Variants in PTCD1 observed in about 807,000 individuals in gnomAD.
PTCD1 encodes pentatricopeptide repeat domain 1.
A neutral mutation model predicts 53.4 loss-of-function variants in PTCD1; 50 were observed. The observed-to-expected ratio is 0.94, with a 90% CI of 0.75 to 1.19. The LOEUF is 1.19. Ranked by LOEUF, PTCD1 falls within the 50% of genes most tolerant of loss-of-function variation. PTCD1 has a pLI of 0.00. For synonymous variants in PTCD1, 413 were observed against 394.8 expected (o/e 1.05, Z -0.55); for missense variants, 918 against 904.8 (o/e 1.01, Z -0.19).
rs1320397673 is a variant in PTCD1 at position 99,433,408 on chromosome 7, G to C, written c.464C>G (p.Ala155Gly). The C allele has an allele frequency of 6.2e-7, 1 of 1,614,052 alleles. No homozygotes were observed. The highest frequency in any genetic ancestry group is 1.3e-5 in the African/African-American group (1 of 74,930). ...CATCTGCCTCTCAAACAGGTCCAGG[G>C]CTTCAACCAGCTGCAGGGAAGAGGC... is the stretch of plus-strand genomic sequence containing the variant. ...HLIKEGKLVEALDLFERQMLK... is the reference protein window; with the variant it reads ...HLIKEGKLVEGLDLFERQMLK... The change falls in exon 3 of 8, where the codon GCC (alanine) becomes GGC (glycine). Residue 155 changes from alanine to glycine, a missense_variant. Ala to Gly is a moderately conservative substitution (Grantham distance 60). Transcript: ENST00000292478.
intron 2 of PTCD1, among the ~76,000 whole-genome samples, chr7:99,434,391 G>C (rs541378439): frequency 4.7e-4 from 71 of 152,260 alleles, no homozygotes; most frequent in Non-Finnish European, 2.2e-4. Flanking sequence ...GGAGGCTGCA[G>C]TGAGCCAAGA....
In PTCD1 at chr7:99,425,096, G is replaced by A; in HGVS notation, c.1436C>T (p.Ala479Val). Residue 479 changes from alanine (A) to valine (V), a missense_variant, in exon 6 of 8, where the codon GCA becomes GTA. Transcript: ENST00000292478. ...GATGTCGGGCTGCTGCCTGTGCTCTGCCATCTTGCTCAGGAAGCCCTCCAG... is the reference window on the plus strand; with the variant it reads ...GATGTCGGGCTGCTGCCTGTGCTCTACCATCTTGCTCAGGAAGCCCTCCAG... ...GGLEGFLSKM[A>V]EHRQQPDIRT... is the part of the protein sequence containing the mutation. 2 of 1,614,048 alleles carry A rather than the reference G, an allele frequency of 1.2e-6. No individual in the cohort carries two copies. Among genetic ancestry groups the A allele is most frequent in the Non-Finnish European group, 1.7e-6 (2 of 1,180,030 alleles).
At chr7:99,425,868 A>G (rs1429592567) in intron 5 of PTCD1, among the ~76,000 whole-genome samples, 1 of 152,186 alleles carries the variant, frequency 6.6e-6, no homozygotes, top group African/African-American at 2.4e-5. Flanking sequence ...GGAGTTCGAG[A>G]CCAGCCCGAC....
Position 99,438,703 on chromosome 7 carries a change from G to A in PTCD1, c.-38C>T, listed in dbSNP as rs572475982. On this transcript the variant is annotated 5_prime_UTR_variant, in exon 1 of 8. Coordinates refer to ENST00000292478, the MANE Select transcript of PTCD1 (RefSeq NM_015545.4). ...ACACAGGAACTCACTTGAAGTGTCC[G>A]GCGCAGTGCACTCCGACGGGGAGCC... 3 of 1,287,390 alleles carry A rather than the reference G, an allele frequency of 2.3e-6. No individual in the cohort carries two copies. The highest frequency in any genetic ancestry group is 3.1e-5 in the African/African-American group (2 of 65,102). 79.7% of individuals were successfully genotyped at this position (1,287,390 alleles called of 1,614,324 possible).
Position 99,425,440 on chromosome 7 carries a change from C to G in PTCD1, c.1092G>C (p.Arg364Ser). Residue 364 changes from arginine (R) to serine (S), a missense_variant, in exon 6 of 8, where the codon AGG becomes AGC. Arg to Ser is a moderately radical substitution (Grantham distance 110). Coordinates refer to ENST00000292478, the MANE Select transcript of PTCD1 (RefSeq NM_015545.4). ...TGCCTGCCTTGGCCTGGGCTGTCCT[C>G]CTTGGCCGCTGCCTGCTCACTGGGG... ...LQPPVSRQRP[R>S]RTAQAKAGNL... The G allele has an allele frequency of 6.2e-7, 1 of 1,614,004 alleles. No homozygotes were observed. Among genetic ancestry groups the G allele is most frequent in the Non-Finnish European group, 8.5e-7 (1 of 1,180,018 alleles).
At position 99,417,820 on chromosome 7, in the gene PTCD1, G is replaced by T; in HGVS notation, c.*2147C>A. 6.7e-7 allele frequency: 1 copy of T among 1,494,142 alleles called. No homozygotes were observed. The highest frequency in any genetic ancestry group is 2.1e-5 in the Admixed American group (1 of 46,866). The allele number at this position is 1,494,142 out of a possible 1,614,324, so 92.6% of individuals were successfully genotyped here. A position where few individuals can be genotyped will look rare whatever the true frequency, so the allele number is the denominator to read the frequency against. On this transcript the variant is annotated 3_prime_UTR_variant, in exon 8 of 8. Transcript: ENST00000292478. ...GGGGTCAATCTCAACTCCACTTTTGGGCAAATTACTGAACCCCTTTCCTCA... is the reference window on the plus strand; with the variant it reads ...GGGGTCAATCTCAACTCCACTTTTGTGCAAATTACTGAACCCCTTTCCTCA...
chr7:99,420,559 G>C (rs1239598406), intron 7 of PTCD1, among the ~76,000 whole-genome samples: 1 of 152,174 alleles, frequency 6.6e-6, no homozygotes. Flanking sequence ...CATGAGATAT[G>C]GGGAAAAAAG....
In PTCD1 at chr7:99,429,785, G is replaced by A; in HGVS notation, c.616C>T (p.Pro206Ser). Residue 206 changes from proline to serine, a missense_variant, in exon 4 of 8, where the codon CCC becomes TCC. Physicochemically the swap from Pro to Ser is moderately conservative, Grantham distance 74. Coordinates refer to ENST00000292478, the MANE Select transcript of PTCD1 (RefSeq NM_015545.4). ...YNQMKKRDLE[P>S]SDATYTALFN... Reference sequence around the variant, plus strand: ...AGGGCCGTGTAGGTGGCGTCCGAGGGCTCCAGGTCCCGCTTTTTCATCTGT... The same window carrying A: ...AGGGCCGTGTAGGTGGCGTCCGAGGACTCCAGGTCCCGCTTTTTCATCTGT... The A allele has an allele frequency of 1.2e-6, 2 of 1,614,148 alleles. No homozygotes were observed. Among genetic ancestry groups the A allele is most frequent in the Non-Finnish European group, 8.5e-7 (1 of 1,180,038 alleles).
Position 99,430,223 on chromosome 7 carries a change from T to C in PTCD1, c.595-417A>G, listed in dbSNP as rs147977262. On this transcript the variant is annotated intron_variant, in intron 3 of 7. Transcript: ENST00000292478. ...GACACCATCACCTTGAAACCAGGCATGCCTGTGGCAAGTGGGAGGATGCAC... is the reference window on the plus strand; with the variant it reads ...GACACCATCACCTTGAAACCAGGCACGCCTGTGGCAAGTGGGAGGATGCAC... Among the ~76,000 whole-genome samples, 51 of 152,354 alleles carry C rather than the reference T, an allele frequency of 3.3e-4. No homozygotes were observed. The East Asian group carries it at 8.5e-3, about 25-fold the overall frequency.
chr7:99,435,401 G>C, intron 1 of PTCD1, 133 bp from the exon 2 acceptor site: 1 of 1,174,844 alleles, frequency 8.5e-7, no homozygotes, highest in Non-Finnish European at 1.2e-6. Context: ...CACTTTGGGA[G>C]GTCGAGGCTG....
intron 5 of PTCD1, among the ~76,000 whole-genome samples, chr7:99,426,463 A>T (rs1051265825): frequency 2.6e-5 from 4 of 152,288 alleles, no homozygotes; most frequent in Non-Finnish European, 4.4e-5. Context: ...AGGTGCCGGG[A>T]TTGCAGACGG....
At chr7:99,432,187 A>T (rs1312154593) in intron 3 of PTCD1, among the ~76,000 whole-genome samples, 1 of 152,174 alleles carries the variant, frequency 6.6e-6, no homozygotes, top group Non-Finnish European at 1.5e-5. Context: ...CGACGCCCAT[A>T]AAGGGTCTGT....
At chr7:99,438,029 G>C (rs1359084181) in intron 1 of PTCD1, among the ~76,000 whole-genome samples, 2 of 152,120 alleles carry the variant, frequency 1.3e-5, no homozygotes, top group African/African-American at 4.8e-5. Context: ...CACTGCTAAG[G>C]CTGCTCCAGC....
At position 99,420,696 on chromosome 7, in the gene PTCD1, T is replaced by C. The variant is rs545280297; in HGVS notation, c.1921-547A>G. Reference sequence around the variant, plus strand: ...GTTTGGCCGGGTGCGGTGGCTCACGTCTGTAATCCCAGCACTTTGAGAGGC... The same window carrying C: ...GTTTGGCCGGGTGCGGTGGCTCACGCCTGTAATCCCAGCACTTTGAGAGGC... On this transcript the variant is annotated intron_variant, in intron 7 of 7. Coordinates refer to ENST00000292478, the MANE Select transcript of PTCD1 (RefSeq NM_015545.4). Among the ~76,000 whole-genome samples, 958 of 152,220 alleles carry C rather than the reference T, an allele frequency of 6.3e-3. 2 individuals are homozygous for C. Among genetic ancestry groups the C allele is most frequent in the Non-Finnish European group, 9.0e-3 (614 of 68,006 alleles).
At position 99,419,859 on chromosome 7, in the gene PTCD1, T is replaced by C. The variant is rs1795720844; in HGVS notation, c.*108A>G. The C allele has an allele frequency of 1.3e-6, 2 of 1,575,806 alleles. No individual in the cohort carries two copies. Among genetic ancestry groups the C allele is most frequent in the Middle Eastern group, 2.3e-4 (1 of 4,374 alleles). On this transcript the variant is annotated 3_prime_UTR_variant, in exon 8 of 8. Coordinates refer to ENST00000292478, the MANE Select transcript of PTCD1 (RefSeq NM_015545.4). ...AACACCTGTGACACGCTGCGGCTGT[T>C]CCTCAGGGCCTGGCTCTTCCCCCAG...
intron 2 of PTCD1, among the ~76,000 whole-genome samples, chr7:99,434,210 C>A (rs1346000592): frequency 6.6e-6 from 1 of 151,704 alleles, no homozygotes; most frequent in Non-Finnish European, 1.5e-5. Context: ...TTTCGGGAGA[C>A]CAAGGCGGGC....
chr7:99,426,435 A>G (rs1209742028), intron 5 of PTCD1, among the ~76,000 whole-genome samples: 2 of 152,096 alleles, frequency 1.3e-5, no homozygotes. Context: ...CGAGTGATCC[A>G]CCAACCTCGG....
chr7:99,435,277 T>C lies in PTCD1; in HGVS notation c.-26-9A>G, dbSNP rs1311737982. ...TCCTGTCCCTCCAGGGCCTGGAATATATCAGGAAAAATAAGAGAGTCAACT... is the reference window on the plus strand; with the variant it reads ...TCCTGTCCCTCCAGGGCCTGGAATACATCAGGAAAAATAAGAGAGTCAACT... On this transcript the variant is annotated splice_polypyrimidine_tract_variant and intron_variant, in intron 1 of 7. Transcript: ENST00000292478. The C allele has an allele frequency of 6.3e-7, 1 of 1,599,812 alleles. No homozygotes were observed. The highest frequency in any genetic ancestry group is 1.1e-5 in the South Asian group (1 of 91,078).
At position 99,423,965 on chromosome 7, in the gene PTCD1, A is replaced by C; in HGVS notation, c.1738-8T>G. 6.2e-7 allele frequency: 1 copy of C among 1,613,898 alleles called. No individual in the cohort carries two copies. Among genetic ancestry groups the C allele is most frequent in the Non-Finnish European group, 8.5e-7 (1 of 1,179,874 alleles). On this transcript the variant is annotated splice_region_variant and splice_polypyrimidine_tract_variant and intron_variant, in intron 6 of 7. Transcript: ENST00000292478. The stretch of plus-strand genomic sequence containing the variant: ...GGGGGTCACCTGGGACTTCTAGAAC[A>C]CAGGGACATCGTAGAATCAAGATGA...
Sources: allele counts gnomAD v4.1 joint callset (sites outside exome capture counted in the v4.1 genomes callset), GRCh38; gene constraint gnomAD v4.1.1; transcripts MANE v1.5; gene names NCBI Gene and HGNC (gene_info 2026-07-23, HGNC 2026-07-21).